Variants in MAGI2 observed in about 807,000 individuals in gnomAD.
MAGI2 encodes membrane associated guanylate kinase, WW and PDZ domain containing 2.
In MAGI2, 35 loss-of-function variants were observed where a neutral mutation model predicts 133.3. That is an observed-to-expected ratio of 0.26 (90% CI 0.20 to 0.35). MAGI2 has a LOEUF of 0.35. MAGI2 is among the 10% of genes least tolerant of loss of function. MAGI2 has a pLI of 1.00. For missense variants in MAGI2, 1,636 were observed against 1,863.4 expected (o/e 0.88, Z 2.25); for synonymous variants, 729 against 710.6 (o/e 1.03, Z -0.41).
At chr7:78,879,723 T>C (rs1405882141) in intron 2 of MAGI2, among the ~76,000 whole-genome samples, 1 of 151,834 alleles carries the variant, frequency 6.6e-6, no homozygotes, top group African/African-American at 2.4e-5. Context: ...TCTAAAACAA[T>C]AATCCCAAAC....
chr7:78,820,078 T>C (rs1000750511), intron 2 of MAGI2, among the ~76,000 whole-genome samples: 1 of 151,932 alleles, frequency 6.6e-6, no homozygotes, highest in Admixed American at 6.6e-5. Context: ...TCATCGATTG[T>C]TAGTGGGGAG....
chr7:78,753,602 C>T (rs1225399081), intron 2 of MAGI2, among the ~76,000 whole-genome samples: 1 of 151,812 alleles, frequency 6.6e-6, no homozygotes, highest in African/African-American at 2.4e-5. Flanking sequence ...TTACAGGTTC[C>T]AGTATCTCAG....
chr7:78,718,275 AG>A (rs1175334408), intron 2 of MAGI2, among the ~76,000 whole-genome samples: 7 of 152,186 alleles, frequency 4.6e-5, no homozygotes, highest in Non-Finnish European at 8.8e-5. Flanking sequence ...TTTCCAGTGT[AG>A]TCACACCAAG....
intron 6 of MAGI2, among the ~76,000 whole-genome samples, chr7:78,447,628 A>T (rs539646313): frequency 1.1e-3 from 169 of 152,082 alleles, no homozygotes; most frequent in Non-Finnish European, 1.9e-3. Context: ...TGACTAGCTC[A>T]CCTGGGGACA....
intron 10 of MAGI2, among the ~76,000 whole-genome samples, chr7:78,227,363 C>CCAATCAAGAT (rs1471603956): frequency 6.6e-6 from 1 of 152,128 alleles, no homozygotes; most frequent in Non-Finnish European, 1.5e-5. Context: ...TTTCAATTAC[C>CCAATCAAGAT]CAACAGTATC....
intron 7 of MAGI2, among the ~76,000 whole-genome samples, chr7:78,355,143 T>A (rs974077100): frequency 3.3e-5 from 5 of 152,196 alleles, no homozygotes; most frequent in Non-Finnish European, 7.4e-5. Context: ...GAGATGATAG[T>A]TTCATGTAAC....
intron 2 of MAGI2, among the ~76,000 whole-genome samples, chr7:78,793,011 G>C (rs996794306): frequency 6.6e-6 from 1 of 152,202 alleles, no homozygotes; most frequent in African/African-American, 2.4e-5. Flanking sequence ...AATTTCCTTT[G>C]AATTTAGGGG....
chr7:78,609,017 A>G (rs1371531802), intron 3 of MAGI2, among the ~76,000 whole-genome samples: 3 of 152,184 alleles, frequency 2.0e-5, no homozygotes, highest in African/African-American at 4.8e-5. Context: ...TTGGAGTCCA[A>G]TGTTTGAGGG....
intron 18 of MAGI2, among the ~76,000 whole-genome samples, chr7:78,131,796 T>C (rs1821587810): frequency 6.6e-6 from 1 of 152,230 alleles, no homozygotes; most frequent in Non-Finnish European, 1.5e-5. Flanking sequence ...TGCCTATCTC[T>C]AATGCTATGT....
intron 9 of MAGI2, among the ~76,000 whole-genome samples, chr7:78,322,599 G>A (rs917290229): frequency 6.6e-6 from 1 of 152,086 alleles, no homozygotes; most frequent in South Asian, 2.1e-4. Context: ...ATCACACACT[G>A]GGGCCTGTTG....
intron 2 of MAGI2, among the ~76,000 whole-genome samples, chr7:78,961,561 T>C (rs75100319): frequency 0.026 from 3,994 of 152,254 alleles, 173 homozygotes; most frequent in African/African-American, 0.09. Flanking sequence ...TTTATGTGGA[T>C]GTGCACATAG....
intron 3 of MAGI2, chr7:78,616,664 A>C (rs1234196158): frequency 6.6e-6 from 1 of 152,206 alleles, no homozygotes; most frequent in Non-Finnish European, 1.5e-5. Context: ...CAAAATTATC[A>C]CACTTAGGAC....
At chr7:78,112,305 A>C (rs1819435753) in intron 20 of MAGI2, among the ~76,000 whole-genome samples, 3 of 152,114 alleles carry the variant, frequency 2.0e-5, no homozygotes, top group Admixed American at 2.0e-4. Flanking sequence ...TTTCCTTGTC[A>C]TCCACGTTTG....
chr7:78,354,515 G>A (rs898693982), intron 7 of MAGI2, among the ~76,000 whole-genome samples: 1 of 152,128 alleles, frequency 6.6e-6, no homozygotes, highest in Non-Finnish European at 1.5e-5. Context: ...CTAGTGAGGG[G>A]AAATTGACAA....
intron 1 of MAGI2, among the ~76,000 whole-genome samples, chr7:79,297,091 AT>A (rs1236576406): frequency 1.3e-5 from 2 of 151,248 alleles, no homozygotes; most frequent in African/African-American, 4.9e-5. Flanking sequence ...GAACGGAGTC[AT>A]TCAGTCATGC....
intron 1 of MAGI2, among the ~76,000 whole-genome samples, chr7:79,180,419 T>C (rs1283977035): frequency 6.6e-6 from 1 of 151,960 alleles, no homozygotes; most frequent in African/African-American, 2.4e-5. Context: ...GGTCACATCT[T>C]ATGTGGATGG....
chr7:78,244,188 A>AG (rs1791503012), intron 10 of MAGI2, among the ~76,000 whole-genome samples: 1 of 135,990 alleles, frequency 7.4e-6, no homozygotes, highest in East Asian at 2.1e-4. Flanking sequence ...AAAAAAAAAA[A>AG]AAAAAGAAAA....
At chr7:78,407,398 A>C (rs1320449792) in intron 6 of MAGI2, among the ~76,000 whole-genome samples, 1 of 151,964 alleles carries the variant, frequency 6.6e-6, no homozygotes, top group African/African-American at 2.4e-5. Flanking sequence ...AAAAAAAGTC[A>C]CCTTTTGTTA....
At chr7:78,545,752 A>G (rs1798780818) in intron 3 of MAGI2, among the ~76,000 whole-genome samples, 1 of 152,192 alleles carries the variant, frequency 6.6e-6, no homozygotes, top group Non-Finnish European at 1.5e-5. Flanking sequence ...ACATATTGAT[A>G]TTTCATACAT....
Sources: allele counts gnomAD v4.1 joint callset (sites outside exome capture counted in the v4.1 genomes callset), GRCh38; gene constraint gnomAD v4.1.1; transcripts MANE v1.5; gene names NCBI Gene and HGNC (gene_info 2026-07-23, HGNC 2026-07-21).